WDR41: variants seen among roughly 807,000 people sequenced by gnomAD.
WDR41 encodes WD repeat-containing protein 41.
Under a neutral mutation model 69.3 loss-of-function variants are expected in WDR41, and 63 were observed. That is an observed-to-expected ratio of 0.91 (90% CI 0.74 to 1.12). The LOEUF (loss-of-function observed/expected upper bound fraction) is 1.12, where lower values mean the gene tolerates loss of function less well. Ranked by LOEUF, WDR41 falls within the 50% of genes most tolerant of loss-of-function variation. The probability of loss-of-function intolerance (pLI) is 0.00; values close to 1 mark genes in which losing one functional copy is unlikely to be tolerated. For missense variants in WDR41, 543 were observed against 534.5 expected (o/e 1.02, Z -0.16); for synonymous variants, 185 against 192.1 (o/e 0.96, Z 0.31).
intron 11 of WDR41, among the ~76,000 whole-genome samples, chr5:77,436,726 A>G (rs1369899529): frequency 6.6e-6 from 1 of 152,188 alleles, no homozygotes; most frequent in Non-Finnish European, 1.5e-5. Flanking sequence ...TCAGATCAAC[A>G]AACAAGGCAT....
intron 1 of WDR41, among the ~76,000 whole-genome samples, chr5:77,555,758 A>G (rs1743378455): frequency 6.6e-6 from 1 of 152,248 alleles, no homozygotes; most frequent in Non-Finnish European, 1.5e-5. Flanking sequence ...TAAATGAAGT[A>G]TAAATCTTAT....
intron 1 of WDR41, among the ~76,000 whole-genome samples, chr5:77,574,158 T>A (rs1580018049): frequency 1.3e-5 from 2 of 151,790 alleles, no homozygotes; most frequent in South Asian, 4.2e-4. Context: ...ATTAGCCAGG[T>A]ATGGTGGCAC....
At chr5:77,444,815 G>A (rs1320426534) in intron 8 of WDR41, among the ~76,000 whole-genome samples, 2 of 152,194 alleles carry the variant, frequency 1.3e-5, no homozygotes, top group Non-Finnish European at 2.9e-5. Flanking sequence ...ACTTGGTCAT[G>A]TTTGATTCCT....
At chr5:77,549,127 CAGGGGGAA>C (rs1417366433) in intron 1 of WDR41, among the ~76,000 whole-genome samples, 3 of 134,962 alleles carry the variant, frequency 2.2e-5, no homozygotes, top group Admixed American at 8.1e-5. Context: ...TTTGGGGACT[CAGGGGGAA>C]AGGGGGAAAG....
chr5:77,513,195 C>A (rs1802235705), intron 1 of WDR41, among the ~76,000 whole-genome samples: 1 of 152,028 alleles, frequency 6.6e-6, no homozygotes, highest in African/African-American at 2.4e-5. Context: ...CTTGTGTTAA[C>A]TTCTGTTTAA....
At position 77,432,799 on chromosome 5, in the gene WDR41, AAACTTCTAATAAATGCCAT is replaced by A. The variant is rs971708019; in HGVS notation, c.*317_*335del. On this transcript the variant is annotated 3_prime_UTR_variant, in exon 13 of 13. Transcript: ENST00000296679. ...TAATTCTAAAGGAAGCCAAATAATA[AAACTTCTAATAAATGCCAT>A]AACTTAACTATTACCTCTATTTGTA... The A allele has an allele frequency of 5.7e-6, 1 of 176,242 alleles. No homozygotes were observed. The highest frequency in any genetic ancestry group is 2.4e-5 in the African/African-American group (1 of 42,510). 10.9% of individuals were successfully genotyped at this position (176,242 alleles called of 1,614,324 possible).
At chr5:77,501,989 C>G (rs1253869778) in intron 1 of WDR41, among the ~76,000 whole-genome samples, 3 of 152,096 alleles carry the variant, frequency 2.0e-5, no homozygotes, top group Non-Finnish European at 4.4e-5. Flanking sequence ...CTCCTCGCCA[C>G]CAATCAAACA....
intron 1 of WDR41, among the ~76,000 whole-genome samples, chr5:77,607,965 T>C (rs1400409611): frequency 6.6e-6 from 1 of 152,164 alleles, no homozygotes; most frequent in Non-Finnish European, 1.5e-5. Context: ...AAAATATGCA[T>C]AAAATAAAAT....
chr5:77,471,547 A>T (rs1800611855), intron 2 of WDR41, among the ~76,000 whole-genome samples: 2 of 152,190 alleles, frequency 1.3e-5, no homozygotes, highest in South Asian at 4.1e-4. Flanking sequence ...AATAAAGAAG[A>T]AAAGAGAGAA....
intron 1 of WDR41, among the ~76,000 whole-genome samples, chr5:77,586,777 G>T (rs1399979204): frequency 1.4e-5 from 2 of 146,222 alleles, no homozygotes; most frequent in African/African-American, 5.1e-5. Flanking sequence ...GGAGAGCAGT[G>T]GTAGGATCTT....
chr5:77,510,202 A>ATG (rs1211127779), intron 1 of WDR41, among the ~76,000 whole-genome samples: 1 of 152,218 alleles, frequency 6.6e-6, no homozygotes, highest in Non-Finnish European at 1.5e-5. Flanking sequence ...AGCAAGTAAC[A>ATG]TCTTACATGG....
chr5:77,613,092 G>T (rs1189776376), intron 1 of WDR41, among the ~76,000 whole-genome samples: 1 of 151,204 alleles, frequency 6.6e-6, no homozygotes, highest in Admixed American at 6.6e-5. Flanking sequence ...TACAAGGGAC[G>T]TGAAGGACCT....
intron 1 of WDR41, among the ~76,000 whole-genome samples, chr5:77,618,598 C>T (rs1019263460): frequency 6.6e-6 from 1 of 152,138 alleles, no homozygotes; most frequent in Non-Finnish European, 1.5e-5. Flanking sequence ...GTCTTGAGCT[C>T]CTGATCTCAA....
At position 77,492,174 on chromosome 5, in the gene WDR41, G is replaced by T; in HGVS notation, c.47C>A (p.Ala16Asp). The change falls in exon 1 of 13, where the codon GCC (alanine) becomes GAC (aspartate). Residue 16 changes from alanine to aspartate, a missense_variant. By Grantham distance (126) the Ala-to-Asp change is moderately radical. Transcript: ENST00000296679. ...GCAGACCCACCCGGGGTTTACCTCG[G>T]CCAGTCCCTGCGGTTCTCGGCCTCC... ...IGGGREPQGL[A>D]EKSPLQTIGE... 1 of 1,612,030 alleles carries T rather than the reference G, an allele frequency of 6.2e-7. No individual in the cohort carries two copies.
intron 5 of WDR41, among the ~76,000 whole-genome samples, chr5:77,458,131 T>G (rs1338373391): frequency 6.6e-6 from 1 of 152,118 alleles, no homozygotes; most frequent in East Asian, 1.9e-4. Context: ...ACATAAAGTA[T>G]AGAGATTTTA....
At position 77,445,252 on chromosome 5, in the gene WDR41, C is replaced by A. The variant is rs536160579; in HGVS notation, c.698-4255G>T. ...GTAAGAAGTCGAATCCCTGAATAGA[C>A]CAATAACAAGTTCTGAAATTGAGGC... On this transcript the variant is annotated intron_variant, in intron 8 of 12. Transcript: ENST00000296679. 4.6e-5 allele frequency among the ~76,000 whole-genome samples: 7 copies of A among 152,252 alleles called. No homozygotes were observed. The South Asian group carries it at 1.0e-3, about 23-fold the overall frequency.
chr5:77,482,486 T>A (rs991170224), intron 2 of WDR41, among the ~76,000 whole-genome samples: 7 of 152,140 alleles, frequency 4.6e-5, no homozygotes, highest in Non-Finnish European at 7.4e-5. Context: ...GAAAAAAAAA[T>A]TCACCTGTCT....
chr5:77,456,008 A>C (rs993046484), intron 5 of WDR41, among the ~76,000 whole-genome samples: 1 of 152,020 alleles, frequency 6.6e-6, no homozygotes, highest in Non-Finnish European at 1.5e-5. Context: ...CAAGCCAGCT[A>C]CAATTTTGAT....
Position 77,433,177 on chromosome 5 carries a change from AAAT to A in WDR41, c.1335_1337del (p.Leu445del), listed in dbSNP as rs1798794004. On this transcript the variant is annotated inframe_deletion, in exon 13 of 13. Transcript: ENST00000296679. ...AGTCACCATTCTCCTCTAATTTTTG[AAAT>A]AATCTTAAACTGCGCAATCCAGATT... 1 of 1,613,746 alleles carries A rather than the reference AAAT, an allele frequency of 6.2e-7. No homozygotes were observed. Among genetic ancestry groups the A allele is most frequent in the Non-Finnish European group, 8.5e-7 (1 of 1,179,876 alleles).
Sources: allele counts gnomAD v4.1 joint callset (sites outside exome capture counted in the v4.1 genomes callset), GRCh38; gene constraint gnomAD v4.1.1; transcripts MANE v1.5; gene names NCBI Gene and HGNC (gene_info 2026-07-23, HGNC 2026-07-21).